DYM: variants seen among roughly 807,000 people sequenced by gnomAD.
DYM encodes the protein dyggve-Melchior-Clausen syndrome protein.
DYM carries 78 observed loss-of-function variants against 93.1 expected under a neutral mutation model. That is an observed-to-expected ratio of 0.84 (90% CI 0.70 to 1.01). DYM has a LOEUF of 1.01. DYM is among the 50% of genes least tolerant of loss of function. The probability of loss-of-function intolerance (pLI) is 0.00; values close to 1 mark genes in which losing one functional copy is unlikely to be tolerated. For missense variants in DYM, 789 were observed against 845.0 expected (o/e 0.93, Z 0.82); for synonymous variants, 321 against 319.7 (o/e 1.00, Z -0.04).
chr18:49,344,784 A>G (rs911011748), intron 6 of DYM, among the ~76,000 whole-genome samples: 8 of 152,214 alleles, frequency 5.3e-5, no homozygotes, highest in Non-Finnish European at 1.2e-4. Context: ...TAAATCTAAA[A>G]AGAAATGGAA....
chr18:49,056,881 A>C (rs934728121), intron 17 of DYM, among the ~76,000 whole-genome samples: 1 of 152,154 alleles, frequency 6.6e-6, no homozygotes, highest in African/African-American at 2.4e-5. Flanking sequence ...TTGTAAAGAC[A>C]TGTTTTTGCC....
intron 14 of DYM, among the ~76,000 whole-genome samples, chr18:49,173,131 A>T (rs2088961304): frequency 6.6e-6 from 1 of 152,014 alleles, no homozygotes; most frequent in Non-Finnish European, 1.5e-5. Context: ...TTGAGCATAT[A>T]TGCACTGGTC....
At chr18:49,230,235 C>T (rs9304373) in intron 13 of DYM, among the ~76,000 whole-genome samples, 45,132 of 152,070 alleles carry the variant, frequency 0.3, 8,961 homozygotes, top group African/African-American at 0.57. Context: ...AAACAACAGT[C>T]ACTAAGGTGA....
chr18:49,202,640 C>A (rs2145921481), intron 14 of DYM, among the ~76,000 whole-genome samples: 1 of 115,924 alleles, frequency 8.6e-6, no homozygotes, highest in African/African-American at 3.3e-5. Context: ...CGCCTCTGCC[C>A]CGCCGCCCCA....
chr18:49,193,047 T>C (rs528511351), intron 14 of DYM, among the ~76,000 whole-genome samples: 1 of 152,212 alleles, frequency 6.6e-6, no homozygotes, highest in African/African-American at 2.4e-5. Context: ...AGTAAATCTC[T>C]AATGTTCTCG....
chr18:49,128,894 C>G (rs1157651207), intron 15 of DYM, among the ~76,000 whole-genome samples: 1 of 152,008 alleles, frequency 6.6e-6, no homozygotes, highest in Non-Finnish European at 1.5e-5. Flanking sequence ...TTCTCCAACC[C>G]AAGGAACCTA....
intron 15 of DYM, among the ~76,000 whole-genome samples, chr18:49,119,162 T>C (rs1008096894): frequency 1.3e-5 from 2 of 152,218 alleles, no homozygotes; most frequent in African/African-American, 4.8e-5. Flanking sequence ...TTTCATATAA[T>C]AAATTATAGA....
chr18:49,129,129 A>G (rs1409984555), intron 15 of DYM, among the ~76,000 whole-genome samples: 2 of 152,052 alleles, frequency 1.3e-5, no homozygotes, highest in East Asian at 1.9e-4. Context: ...TAAAAAAAAA[A>G]AAAAAGAAAA....
intron 1 of DYM, among the ~76,000 whole-genome samples, chr18:49,435,707 T>C (rs780599241): frequency 1.2e-4 from 18 of 152,132 alleles, no homozygotes; most frequent in Non-Finnish European, 2.5e-4. Flanking sequence ...GAAAATCGCT[T>C]GAACCCTGGA....
chr18:49,142,051 A>G (rs1432388407), intron 15 of DYM, among the ~76,000 whole-genome samples: 1 of 150,160 alleles, frequency 6.7e-6, no homozygotes, highest in African/African-American at 2.5e-5. Context: ...TTTAGTAGAC[A>G]GGGGTTTCAC....
chr18:49,246,640 ATT>A (rs969106889), intron 13 of DYM, among the ~76,000 whole-genome samples: 2 of 152,198 alleles, frequency 1.3e-5, no homozygotes, highest in African/African-American at 4.8e-5. Context: ...AAATGTGGAA[ATT>A]TGCCTTAGAT....
intron 1 of DYM, among the ~76,000 whole-genome samples, chr18:49,450,704 GAAT>G (rs2148693625): frequency 6.6e-6 from 1 of 152,262 alleles, no homozygotes; most frequent in South Asian, 2.1e-4. Context: ...ATATTTTGGT[GAAT>G]AATACTAATA....
Position 49,331,972 on chromosome 18 carries a change from A to G in DYM, c.655T>C (p.Leu219=). The G allele has an allele frequency of 6.2e-7, 1 of 1,614,102 alleles. No individual in the cohort carries two copies. Among genetic ancestry groups the G allele is most frequent in the Non-Finnish European group, 8.5e-7 (1 of 1,179,988 alleles). The change falls in exon 8 of 18, where the codon TTA becomes CTA. Residue 219 remains leucine, a synonymous_variant. Transcript: ENST00000675505. The part of the protein sequence containing the change: ...PYTSKLVKTL[L]YNFIRQEKPP... Reference sequence around the variant, plus strand: ...TTTTCTTGTCTGATAAAGTTATATAATAAGGTCTTCACAAGTTTGCTGGTG... The same window carrying G: ...TTTTCTTGTCTGATAAAGTTATATAGTAAGGTCTTCACAAGTTTGCTGGTG...
intron 17 of DYM, among the ~76,000 whole-genome samples, chr18:49,058,528 C>T (rs2075695130): frequency 6.6e-6 from 1 of 152,086 alleles, no homozygotes; most frequent in African/African-American, 2.4e-5. Flanking sequence ...CTATGTTGCC[C>T]AGGCTGGTTT....
intron 14 of DYM, among the ~76,000 whole-genome samples, chr18:49,198,527 A>G (rs572569528): frequency 6.6e-6 from 1 of 152,314 alleles, no homozygotes; most frequent in Admixed American, 6.5e-5. Flanking sequence ...ACTCAAACAA[A>G]TTTACAAGAA....
At position 49,247,527 on chromosome 18, in the gene DYM, T is replaced by G. The variant is rs1446050609; in HGVS notation, c.1460+9483A>C. The stretch of plus-strand genomic sequence containing the variant: ...CAAAGTTGAACCACACCAAGTTACC[T>G]CTGTAACATGATGGTGACATTCAAT... On this transcript the variant is annotated intron_variant, in intron 13 of 17. Transcript: ENST00000675505. 3.3e-5 allele frequency among the ~76,000 whole-genome samples: 5 copies of G among 152,308 alleles called. No individual in the cohort carries two copies. In the East Asian group the frequency reaches 9.6e-4, roughly 29 times the overall value.
intron 2 of DYM, among the ~76,000 whole-genome samples, chr18:49,395,620 A>T (rs2069967008): frequency 6.6e-6 from 1 of 151,714 alleles, no homozygotes; most frequent in Non-Finnish European, 1.5e-5. Context: ...CAAGAGCAAA[A>T]CTCTGTCTAA....
At chr18:49,224,596 T>C (rs930654473) in intron 13 of DYM, among the ~76,000 whole-genome samples, 7 of 152,008 alleles carry the variant, frequency 4.6e-5, no homozygotes, top group Non-Finnish European at 8.8e-5. Flanking sequence ...ATGGGATTAG[T>C]GTCCTTACAA....
At chr18:49,366,349 G>A in intron 5 of DYM, among the ~76,000 whole-genome samples, 1 of 152,144 alleles carries the variant, frequency 6.6e-6, no homozygotes. Context: ...ACAGTAAAAA[G>A]AATCTTAAAA....
Sources: allele counts gnomAD v4.1 joint callset (sites outside exome capture counted in the v4.1 genomes callset), GRCh38; gene constraint gnomAD v4.1.1; transcripts MANE v1.5; gene names NCBI Gene and HGNC (gene_info 2026-07-23, HGNC 2026-07-21).